Variants in EML1 observed in about 807,000 individuals in gnomAD.
EML1 encodes echinoderm microtubule-associated protein-like 1.
Under a neutral mutation model 110.4 loss-of-function variants are expected in EML1, and 27 were observed. The ratio of observed to expected loss-of-function variants is 0.24; its 90% CI spans 0.18 to 0.34. The LOEUF is 0.34. Among genes scored for constraint, EML1 ranks in the 10% least tolerant of loss-of-function variants. EML1 has a pLI of 1.00. For missense variants in EML1, 741 were observed against 1,030.9 expected (o/e 0.72, Z 3.85); for synonymous variants, 344 against 385.8 (o/e 0.89, Z 1.27).
chr14:99,782,051 C>G (rs372992637), intron 1 of EML1, among the ~76,000 whole-genome samples: 7 of 152,196 alleles, frequency 4.6e-5, no homozygotes, highest in Non-Finnish European at 8.8e-5. Context: ...GCCCGCAGCC[C>G]CACCCTATCG....
exon 1 of EML1, chr14:99,773,720 G>A (rs1483036612): frequency 6.6e-6 from 1 of 152,290 alleles, no homozygotes; most frequent in African/African-American, 2.4e-5. Context: ...CAGGAGCCTG[G>A]ATGGGAAGAG....
intron 1 of EML1, among the ~76,000 whole-genome samples, chr14:99,795,313 G>A (rs889887638): frequency 6.6e-6 from 1 of 152,216 alleles, no homozygotes; most frequent in Admixed American, 6.5e-5. Context: ...TACTGGTGGT[G>A]ATGTCCAGAA....
chr14:99,760,270 G>A (rs557499626), intron 1 of EML1, among the ~76,000 whole-genome samples: 1 of 152,232 alleles, frequency 6.6e-6, no homozygotes, highest in Admixed American at 6.5e-5. Context: ...AGCCCTGTCA[G>A]CCACATGGGT....
intron 1 of EML1, among the ~76,000 whole-genome samples, chr14:99,748,809 C>T (rs2057142717): frequency 6.6e-6 from 1 of 152,194 alleles, no homozygotes; most frequent in South Asian, 2.1e-4. Context: ...CCATTAGTAG[C>T]GACCCCTTCT....
chr14:99,873,798 A>C (rs1369536008), intron 3 of EML1, among the ~76,000 whole-genome samples: 2 of 152,270 alleles, frequency 1.3e-5, no homozygotes, highest in African/African-American at 4.8e-5. Flanking sequence ...GCGTTATCTC[A>C]GTCTGTCAGA....
chr14:99,925,208 G>T (rs1414314175), intron 17 of EML1, among the ~76,000 whole-genome samples: 1 of 151,316 alleles, frequency 6.6e-6, no homozygotes, highest in Non-Finnish European at 1.5e-5. Context: ...GCCTTTCTTT[G>T]TGGGAAGGTT....
intron 1 of EML1, among the ~76,000 whole-genome samples, chr14:99,785,521 G>C (rs1448908617): frequency 6.6e-6 from 1 of 152,220 alleles, no homozygotes; most frequent in Non-Finnish European, 1.5e-5. Context: ...AATTTTGCCA[G>C]ATGGGAGTCG....
rs1271946317 is a variant in EML1 at position 99,920,969 on chromosome 14, A to G, written c.1909+92A>G. 11 of 1,226,256 alleles carry G rather than the reference A, an allele frequency of 9.0e-6. No homozygotes were observed. In the Admixed American group the frequency reaches 1.8e-4, roughly 20 times the overall value. 76.0% of individuals were successfully genotyped at this position (1,226,256 alleles called of 1,614,324 possible). A position where few individuals can be genotyped will look rare whatever the true frequency, so the allele number is the denominator to read the frequency against. ...TGTGCAGGATGTGTCGGTTTGTTAC[A>G]TAGGTAAACGTGTGCCATGGTGGTT... On this transcript the variant is annotated intron_variant, in intron 17 of 21. Coordinates refer to ENST00000262233, the MANE Select transcript of EML1 (RefSeq NM_004434.3).
At chr14:99,754,441 G>A (rs950198038) in intron 1 of EML1, among the ~76,000 whole-genome samples, 1 of 152,192 alleles carries the variant, frequency 6.6e-6, no homozygotes, top group Non-Finnish European at 1.5e-5. Context: ...CCAGACCTCT[G>A]GGTGGGGCCG....
upstream of EML1, among the ~76,000 whole-genome samples, chr14:99,770,908 C>T (rs1044014722): frequency 1.3e-5 from 2 of 151,350 alleles, no homozygotes; most frequent in African/African-American, 2.4e-5. Flanking sequence ...CCTCAGCCTC[C>T]CGAGTAGCTG....
chr14:99,772,301 A>T (rs1307879901), upstream of EML1, among the ~76,000 whole-genome samples: 4 of 152,222 alleles, frequency 2.6e-5, no homozygotes, highest in African/African-American at 9.6e-5. Flanking sequence ...CCAGCCAGAG[A>T]GCAGGGCAGA....
rs559205313 is a variant in EML1 at position 99,761,941 on chromosome 14, A to T, written c.28+24081A>T. On this transcript the variant is annotated intron_variant, in intron 1 of 10. Transcript: ENST00000554479. ...CTCTGTCTCAAAAAAAAAAAAAAAA[A>T]TCGAGAACTGGGGGCAAAATGACAT... Among the ~76,000 whole-genome samples the T allele has an allele frequency of 1.3e-3, 181 of 138,322 alleles. 3 individuals carry two copies. Among genetic ancestry groups the T allele is most frequent in the African/African-American group, 4.5e-3 (172 of 38,136 alleles). 90.7% of individuals were successfully genotyped at this position (138,322 alleles called of 152,430 possible).
At chr14:99,847,182 C>G (rs2058720153) in intron 1 of EML1, among the ~76,000 whole-genome samples, 1 of 152,174 alleles carries the variant, frequency 6.6e-6, no homozygotes, top group Non-Finnish European at 1.5e-5. Context: ...GGTCAGAGAA[C>G]ATACTCTTCC....
At chr14:99,769,977 CAT>C (rs1300965904), upstream of EML1, among the ~76,000 whole-genome samples, 3 of 152,212 alleles carry the variant, frequency 2.0e-5, no homozygotes, top group Non-Finnish European at 2.9e-5. Flanking sequence ...CCTGATGGCC[CAT>C]ACATGCCAGC....
chr14:99,801,806 T>C lies in EML1; in HGVS notation c.67+8263T>C, dbSNP rs1483072779. 5.9e-5 allele frequency among the ~76,000 whole-genome samples: 9 copies of C among 152,222 alleles called. No individual in the cohort carries two copies. In the East Asian group the frequency reaches 1.7e-3, roughly 29 times the overall value. Reference sequence around the variant, plus strand: ...GGTTTTGGCAGCAGACCTAAAGCAGTCTTCCTAACTCTAGTCTTCCATCCG... The same window carrying C: ...GGTTTTGGCAGCAGACCTAAAGCAGCCTTCCTAACTCTAGTCTTCCATCCG... On this transcript the variant is annotated intron_variant, in intron 1 of 21. Transcript: ENST00000262233.
At chr14:99,813,849 ATATT>A (rs890724528) in intron 1 of EML1, among the ~76,000 whole-genome samples, 1 of 152,146 alleles carries the variant, frequency 6.6e-6, no homozygotes, top group Non-Finnish European at 1.5e-5. Flanking sequence ...GACAAGCTGA[ATATT>A]TATTTTTATG....
chr14:99,820,235 A>C (rs1179329317), intron 1 of EML1, among the ~76,000 whole-genome samples: 1 of 152,214 alleles, frequency 6.6e-6, no homozygotes. Flanking sequence ...AGGGGCTAAC[A>C]CAGTATTTTG....
intron 1 of EML1, among the ~76,000 whole-genome samples, chr14:99,761,599 T>G (rs999329090): frequency 5.3e-5 from 8 of 151,926 alleles, no homozygotes; most frequent in Admixed American, 4.6e-4. Context: ...GAATGGGCAT[T>G]CAAAATGATC....
At chr14:99,890,027 A>T (rs1242829898) in intron 4 of EML1, among the ~76,000 whole-genome samples, 2 of 152,188 alleles carry the variant, frequency 1.3e-5, no homozygotes, top group Non-Finnish European at 2.9e-5. Context: ...TACTTACTAC[A>T]TCTTGGGATT....
Sources: allele counts gnomAD v4.1 joint callset (sites outside exome capture counted in the v4.1 genomes callset), GRCh38; gene constraint gnomAD v4.1.1; transcripts MANE v1.5; gene names NCBI Gene and HGNC (gene_info 2026-07-23, HGNC 2026-07-21).